The following STK32B variants were observed in gnomAD, a reference collection of about 807,000 sequenced individuals.
STK32B encodes the protein serine/threonine-protein kinase 32B.
Under a neutral mutation model 52.6 loss-of-function variants are expected in STK32B, and 43 were observed. The ratio of observed to expected loss-of-function variants is 0.82; its 90% CI spans 0.64 to 1.05. STK32B has a LOEUF of 1.05. STK32B is among the 50% of genes least tolerant of loss of function. The pLI is 0.00. For synonymous variants in STK32B, 238 were observed against 204.3 expected (o/e 1.17, Z -1.41); for missense variants, 621 against 534.6 (o/e 1.16, Z -1.59).
intron 1 of STK32B, among the ~76,000 whole-genome samples, chr4:5,100,021 A>G (rs1220810960): frequency 6.6e-6 from 1 of 152,084 alleles, no homozygotes. Flanking sequence ...AAAACACTGA[A>G]TAGGTCAAAT....
chr4:5,041,179 T>C, the STK32B span, among the ~76,000 whole-genome samples: 1 of 152,134 alleles, frequency 6.6e-6, no homozygotes, highest in African/African-American at 2.4e-5. Flanking sequence ...AATGGGTGGG[T>C]TCATGGAGCC....
intron 6 of STK32B, among the ~76,000 whole-genome samples, chr4:5,434,820 G>C (rs1225195024): frequency 6.6e-6 from 1 of 152,166 alleles, no homozygotes; most frequent in Non-Finnish European, 1.5e-5. Context: ...ATTAAGAAGA[G>C]CTTCTGGCAC....
chr4:5,097,467 C>T (rs1167228507), intron 1 of STK32B, among the ~76,000 whole-genome samples: 1 of 150,722 alleles, frequency 6.6e-6, no homozygotes, highest in Non-Finnish European at 1.5e-5. Flanking sequence ...GTCTACACAT[C>T]AAGAAAGAAA....
chr4:5,410,253 T>C (rs902041721), intron 5 of STK32B, among the ~76,000 whole-genome samples: 1 of 152,184 alleles, frequency 6.6e-6, no homozygotes, highest in African/African-American at 2.4e-5. Context: ...CTCATCTCTT[T>C]TGGGCTTCAG....
chr4:5,088,710 C>G lies in STK32B; in HGVS notation c.52+36795C>G, dbSNP rs79393380. On this transcript the variant is annotated intron_variant, in intron 1 of 11. Transcript: ENST00000282908. ...TGCATTGCAGCCTGTATCAAGACAT[C>G]TCATGGATCCCATAAACACATACAC... 8.8e-3 allele frequency among the ~76,000 whole-genome samples: 1,338 copies of G among 151,896 alleles called. 17 individuals carry two copies. Among genetic ancestry groups the G allele is most frequent in the Non-Finnish European group, 0.012 (791 of 67,944 alleles).
chr4:5,033,911 C>T, the STK32B span, among the ~76,000 whole-genome samples: 1 of 152,264 alleles, frequency 6.6e-6, no homozygotes, highest in African/African-American at 2.4e-5. Context: ...CATGCAAATA[C>T]ATGGAAACTC....
At chr4:5,329,577 C>A (rs1267761900) in intron 3 of STK32B, among the ~76,000 whole-genome samples, 1 of 152,160 alleles carries the variant, frequency 6.6e-6, no homozygotes, top group Non-Finnish European at 1.5e-5. Flanking sequence ...CCTAGAATGC[C>A]AGCCCGTGCA....
the STK32B span, among the ~76,000 whole-genome samples, chr4:5,040,347 G>GTGACTTC: frequency 6.6e-6 from 1 of 150,956 alleles, no homozygotes; most frequent in Non-Finnish European, 1.5e-5. Context: ...TAGAAGGGAA[G>GTGACTTC]TGACTTCTCT....
At chr4:5,151,646 G>A (rs1364254965) in intron 2 of STK32B, among the ~76,000 whole-genome samples, 8 of 152,150 alleles carry the variant, frequency 5.3e-5, no homozygotes, top group Non-Finnish European at 8.8e-5. Flanking sequence ...ACTAAATTCT[G>A]GGACAGTTGA....
At chr4:5,174,195 C>G (rs1719629391) in intron 3 of STK32B, among the ~76,000 whole-genome samples, 3 of 152,126 alleles carry the variant, frequency 2.0e-5, no homozygotes, top group African/African-American at 4.8e-5. Flanking sequence ...CTATGTGTGT[C>G]TCTGCATGTG....
chr4:5,253,628 G>A (rs762417537), intron 3 of STK32B, among the ~76,000 whole-genome samples: 9 of 151,912 alleles, frequency 5.9e-5, no homozygotes, highest in Non-Finnish European at 1.2e-4. Flanking sequence ...CACCCACCTC[G>A]GCCTCCAAAG....
Position 5,176,858 on chromosome 4 carries a change from G to A in STK32B, c.260+8408G>A, listed in dbSNP as rs569775959. 6.6e-5 allele frequency among the ~76,000 whole-genome samples: 10 copies of A among 152,310 alleles called. 1 individual carries two copies. Among genetic ancestry groups the A allele is most frequent in the South Asian group, 6.2e-4 (3 of 4,826 alleles). On this transcript the variant is annotated intron_variant, in intron 3 of 11. Transcript: ENST00000282908. ...GTATATAAGAAAATTATCTGCAAAT[G>A]TCAGCCTCTGGTGGCTTTTATTTTA...
At chr4:5,175,704 C>G (rs1032866705) in intron 3 of STK32B, among the ~76,000 whole-genome samples, 2 of 152,056 alleles carry the variant, frequency 1.3e-5, no homozygotes, top group Non-Finnish European at 2.9e-5. Flanking sequence ...AGGTGTCAAT[C>G]TGCCCCTACT....
At chr4:5,181,792 G>A (rs1372567098) in intron 3 of STK32B, among the ~76,000 whole-genome samples, 2 of 152,224 alleles carry the variant, frequency 1.3e-5, no homozygotes, top group Non-Finnish European at 2.9e-5. Flanking sequence ...TTTTGCTGGT[G>A]GAGTGTCTTG....
chr4:5,402,257 G>A (rs1328665839), intron 5 of STK32B, among the ~76,000 whole-genome samples: 4 of 152,214 alleles, frequency 2.6e-5, no homozygotes, highest in Non-Finnish European at 5.9e-5. Context: ...GGCCATTAAT[G>A]CAGTTGCCTA....
At chr4:5,143,540 G>A (rs1716668573) in intron 2 of STK32B, among the ~76,000 whole-genome samples, 1 of 152,160 alleles carries the variant, frequency 6.6e-6, no homozygotes, top group Non-Finnish European at 1.5e-5. Flanking sequence ...TATGGGTGAA[G>A]AGTTGAAGTT....
intron 3 of STK32B, among the ~76,000 whole-genome samples, chr4:5,184,231 C>G (rs1313475988): frequency 5.9e-5 from 9 of 152,084 alleles, no homozygotes; most frequent in African/African-American, 1.9e-4. Flanking sequence ...CACTCAGAGG[C>G]CATTGTAGTG....
At chr4:5,123,252 G>T (rs921949781) in intron 1 of STK32B, among the ~76,000 whole-genome samples, 1 of 152,100 alleles carries the variant, frequency 6.6e-6, no homozygotes, top group Non-Finnish European at 1.5e-5. Flanking sequence ...TTTCCCATGT[G>T]TCTCTCAAGT....
intron 3 of STK32B, among the ~76,000 whole-genome samples, chr4:5,204,450 TTTAG>T (rs1435332983): frequency 1.5e-5 from 1 of 66,598 alleles, no homozygotes; most frequent in Admixed American, 1.6e-4. Context: ...GTTTTTGTTT[TTTAG>T]GTTTTTTTGT....
Sources: gnomAD v4.1 joint callset for allele counts (sites outside exome capture counted in the v4.1 genomes callset) on GRCh38, gnomAD v4.1.1 for gene constraint, MANE v1.5 for transcripts, NCBI Gene and HGNC (gene_info 2026-07-23, HGNC 2026-07-21) for gene names.